Variants in MTMR9 observed in about 807,000 individuals in gnomAD.
MTMR9 encodes myotubularin related protein 9.
A neutral mutation model predicts 69.5 loss-of-function variants in MTMR9; 39 were observed. The observed-to-expected ratio is 0.56, with a 90% CI of 0.43 to 0.73. The LOEUF is 0.73. Among genes scored for constraint, MTMR9 ranks in the 30% least tolerant of loss-of-function variants. The probability of loss-of-function intolerance (pLI) is 0.00; values close to 1 mark genes in which losing one functional copy is unlikely to be tolerated. For missense variants in MTMR9, 900 were observed against 671.2 expected, an observed-to-expected ratio of 1.34 and a Z score of -3.77; for synonymous variants, 354 against 240.8, an observed-to-expected ratio of 1.47 and a Z score of -4.35.
rs989232675 is a variant in MTMR9 at position 11,295,098 on chromosome 8, T to C, written c.183-96T>C. ...CTGAGGAGAAGAAAGTTAATATAGA[T>C]GGTAACTACAACTATATTCTCTTTT... On this transcript the variant is annotated intron_variant, in intron 1 of 9. Transcript: ENST00000221086. 4 of 658,686 alleles carry C rather than the reference T, an allele frequency of 6.1e-6. No individual in the cohort carries two copies. In the African/African-American group the frequency reaches 7.4e-5, roughly 12 times the overall value. 40.8% of individuals were successfully genotyped at this position (658,686 alleles called of 1,614,324 possible).
At chr8:11,314,686 A>T (rs570588470) in intron 6 of MTMR9, among the ~76,000 whole-genome samples, 1 of 152,312 alleles carries the variant, frequency 6.6e-6, no homozygotes, top group South Asian at 2.1e-4. Flanking sequence ...TGCCATGTGA[A>T]ATTTGAGATT....
intron 7 of MTMR9, 154 bp from the exon 8 acceptor site, chr8:11,316,519 C>T (rs1800420804): frequency 4.3e-6 from 2 of 460,232 alleles, no homozygotes; most frequent in Non-Finnish European, 7.5e-6. Flanking sequence ...TTATTTTATA[C>T]CAAGAAATCA....
intron 6 of MTMR9, among the ~76,000 whole-genome samples, chr8:11,311,448 C>A (rs975547629): frequency 4.6e-5 from 7 of 152,118 alleles, no homozygotes; most frequent in Non-Finnish European, 1.0e-4. Context: ...GCAAGTCATG[C>A]AATAAAGTGA....
downstream of MTMR9, chr8:11,330,899 C>T: frequency 8.8e-7 from 1 of 1,135,454 alleles, no homozygotes; most frequent in East Asian, 2.6e-5. Context: ...CGAGAAACAC[C>T]CAAGAATGAT....
intron 1 of MTMR9, among the ~76,000 whole-genome samples, chr8:11,292,157 T>C (rs1440657034): frequency 2.0e-5 from 3 of 152,208 alleles, no homozygotes; most frequent in Non-Finnish European, 4.4e-5. Context: ...ATGTTGTATA[T>C]ATCAATAGTT....
intron 1 of MTMR9, 111 bp downstream of exon 1, chr8:11,285,181 A>G (rs964726574): frequency 9.2e-7 from 1 of 1,087,658 alleles, no homozygotes; most frequent in African/African-American, 1.6e-5. Context: ...CTAGCCGGCA[A>G]GATGAGCCCT....
intron 8 of MTMR9, chr8:11,319,439 T>G: frequency 2.1e-6 from 1 of 471,556 alleles, no homozygotes; most frequent in East Asian, 4.0e-5. Context: ...GTGACCAGAT[T>G]CTGTTTTTAT....
chr8:11,326,010 C>T lies in MTMR9; in HGVS notation c.*3222C>T, dbSNP rs1408326807. 6.6e-6 allele frequency: 1 copy of T among 151,962 alleles called. No homozygotes were observed. The highest frequency in any genetic ancestry group is 2.4e-5 in the African/African-American group (1 of 41,366). 9.4% of individuals were successfully genotyped at this position (151,962 alleles called of 1,614,324 possible). On this transcript the variant is annotated 3_prime_UTR_variant, in exon 10 of 10. Coordinates refer to ENST00000221086, the MANE Select transcript of MTMR9 (RefSeq NM_015458.4). The stretch of plus-strand genomic sequence containing the variant: ...CTGATTTAGGGGTGGGATTTTATTG[C>T]TTTTTGTTTTAAAGGATGAAATTTT...
intron 2 of MTMR9, among the ~76,000 whole-genome samples, chr8:11,299,243 T>C (rs1230149871): frequency 6.6e-6 from 1 of 152,088 alleles, no homozygotes; most frequent in Admixed American, 6.6e-5. Context: ...GGAAGGAGAA[T>C]CACTTGAACC....
chr8:11,322,164 A>G (rs920124833), intron 9 of MTMR9, among the ~76,000 whole-genome samples: 36 of 152,142 alleles, frequency 2.4e-4, no homozygotes, highest in African/African-American at 8.2e-4. Flanking sequence ...AAATAACAAC[A>G]TATGTGGTTC....
chr8:11,331,435 T>A (rs1343549536), downstream of MTMR9: 5 of 1,613,890 alleles, frequency 3.1e-6, no homozygotes, highest in Non-Finnish European at 4.2e-6. Context: ...TGTGCCCTGC[T>A]CAACGTCCTC....
At chr8:11,314,670 A>G (rs754902060) in intron 6 of MTMR9, among the ~76,000 whole-genome samples, 6 of 152,342 alleles carry the variant, frequency 3.9e-5, no homozygotes, top group Non-Finnish European at 8.8e-5. Flanking sequence ...TAACTTAAAG[A>G]GGTCTTGCCA....
At chr8:11,337,345 A>G in the MTMR9 span, among the ~76,000 whole-genome samples, 1 of 152,344 alleles carries the variant, frequency 6.6e-6, no homozygotes, top group Admixed American at 6.5e-5. Flanking sequence ...TTTTAGTAAT[A>G]GGTGGTACAA....
intron 6 of MTMR9, among the ~76,000 whole-genome samples, chr8:11,314,261 G>A (rs1800319937): frequency 6.6e-6 from 1 of 152,212 alleles, no homozygotes; most frequent in South Asian, 2.1e-4. Flanking sequence ...AGAAGATGTA[G>A]TAAATTTAGT....
At chr8:11,321,181 G>A (rs543936200) in intron 9 of MTMR9, 1 of 283,566 alleles carries the variant, frequency 3.5e-6, no homozygotes, top group Admixed American at 4.2e-5. Flanking sequence ...GTGTCCCCTA[G>A]TTAGCATTGT....
intron 1 of MTMR9, among the ~76,000 whole-genome samples, chr8:11,293,747 A>G (rs1379265035): frequency 2.0e-5 from 3 of 151,356 alleles, no homozygotes; most frequent in East Asian, 1.9e-4. Flanking sequence ...GTTCATGATT[A>G]TAGATTCAAA....
chr8:11,289,465 C>T (rs964521463), intron 1 of MTMR9, among the ~76,000 whole-genome samples: 1 of 151,884 alleles, frequency 6.6e-6, no homozygotes, highest in African/African-American at 2.4e-5. Context: ...AGGTTGTATA[C>T]AAGTTTTACA....
At chr8:11,295,109 A>T in intron 1 of MTMR9, 85 bp from the exon 2 acceptor site, 1 of 733,044 alleles carries the variant, frequency 1.4e-6, no homozygotes, top group Non-Finnish European at 2.2e-6. Flanking sequence ...GGTAACTACA[A>T]CTATATTCTC....
rs1423749239 is a variant in MTMR9, at chr8:11,327,501, A to C, written c.*4713A>C. The C allele has an allele frequency of 6.6e-6, 1 of 152,500 alleles. No individual in the cohort carries two copies. Among genetic ancestry groups the C allele is most frequent in the Non-Finnish European group, 1.5e-5 (1 of 68,030 alleles). The allele number at this position is 152,500 out of a possible 1,614,324, so 9.4% of individuals were successfully genotyped here. A position where few individuals can be genotyped will look rare whatever the true frequency, so the allele number is the denominator to read the frequency against. ...TTTAAAATGCACGTTATCTTTGGAG[A>C]GGTGAATTATTCTACAAAATGCACC... On this transcript the variant is annotated 3_prime_UTR_variant, in exon 10 of 10. Coordinates refer to ENST00000221086, the MANE Select transcript of MTMR9 (RefSeq NM_015458.4).
Sources: allele counts gnomAD v4.1 joint callset (sites outside exome capture counted in the v4.1 genomes callset), GRCh38; gene constraint gnomAD v4.1.1; transcripts MANE v1.5; gene names NCBI Gene and HGNC (gene_info 2026-07-23, HGNC 2026-07-21).